Variants in NAT2 observed in about 807,000 individuals in gnomAD.
The protein encoded by NAT2 is arylamine N-acetyltransferase 2.
For missense variants in NAT2, 428 were observed against 339.1 expected, an observed-to-expected ratio of 1.26 and a Z score of -2.06; for synonymous variants, 137 against 125.9, an observed-to-expected ratio of 1.09 and a Z score of -0.59.
rs1222828589 is a variant in NAT2 at position 18,392,549 on chromosome 8, A to G, written c.-7+1204A>G. 2.0e-5 allele frequency among the ~76,000 whole-genome samples: 3 copies of G among 152,134 alleles called. No individual in the cohort carries two copies. In the East Asian group the frequency reaches 5.8e-4, roughly 29 times the overall value. On this transcript the variant is annotated intron_variant, in intron 1 of 1. Transcript: ENST00000286479. ...TCTGGCTGTGCTGGCAGCTGATTAG[A>G]TGGTGCCCACCCGGATTGAGGGTGG... is the stretch of plus-strand genomic sequence containing the variant.
In NAT2 at chr8:18,400,937, G is replaced by A. The variant is rs1003108972; in HGVS notation, c.*61G>A. The A allele has an allele frequency of 4.6e-6, 6 of 1,307,794 alleles. No individual in the cohort carries two copies. Among genetic ancestry groups the A allele is most frequent in the South Asian group, 1.5e-5 (1 of 64,900 alleles). The allele number at this position is 1,307,794 out of a possible 1,614,324, so 81.0% of individuals were successfully genotyped here. On this transcript the variant is annotated 3_prime_UTR_variant, in exon 2 of 2. Coordinates refer to ENST00000286479, the MANE Select transcript of NAT2 (RefSeq NM_000015.3). ...CCCAACTCACTAATTATCAACTTAT[G>A]TGCTATCAGATATCCTCTCTACCCT...
chr8:18,400,456 C>T lies in NAT2; in HGVS notation c.453C>T (p.Cys151=). Reference sequence around the variant, plus strand: ...AGCCTCAGGTGCCTTGCATTTTCTGCTTGACAGAAGAGAGAGGAATCTGGT... The same window carrying T: ...AGCCTCAGGTGCCTTGCATTTTCTGTTTGACAGAAGAGAGAGGAATCTGGT... The part of the protein sequence containing the change: ...KDQPQVPCIF[C]LTEERGIWYL... The change falls in exon 2 of 2, where the codon TGC becomes TGT. Residue 151 remains cysteine (C), a synonymous_variant. Transcript: ENST00000286479. 2 of 1,613,704 alleles carry T rather than the reference C, an allele frequency of 1.2e-6. No homozygotes were observed. The highest frequency in any genetic ancestry group is 1.7e-6 in the Non-Finnish European group (2 of 1,179,914).
At position 18,393,561 on chromosome 8, in the gene NAT2, A is replaced by T. The variant is rs1800629392; in HGVS notation, c.-7+2216A>T. Among the ~76,000 whole-genome samples, 3 of 152,350 alleles carry T rather than the reference A, an allele frequency of 2.0e-5. No individual in the cohort carries two copies. In the South Asian group the frequency reaches 6.2e-4, roughly 32 times the overall value. ...TTTCTCTGAGGCGTCTTCATATTGC[A>T]GTGGCAATGTCCCAGATTTCCCTGG... On this transcript the variant is annotated intron_variant, in intron 1 of 1. Transcript: ENST00000286479.
intron 1 of NAT2, among the ~76,000 whole-genome samples, chr8:18,398,318 C>T (rs1800726797): frequency 6.6e-6 from 1 of 152,166 alleles, no homozygotes; most frequent in Non-Finnish European, 1.5e-5. Flanking sequence ...TTATGACCTA[C>T]AATCCAACAA....
At chr8:18,392,000 A>G (rs1731561331) in intron 1 of NAT2, among the ~76,000 whole-genome samples, 1 of 152,224 alleles carries the variant, frequency 6.6e-6, no homozygotes, top group South Asian at 2.1e-4. Context: ...AAAATCTTTG[A>G]ATCCACCTTT....
At chr8:18,388,609 T>G (rs1249287514), upstream of NAT2, among the ~76,000 whole-genome samples, 3 of 152,184 alleles carry the variant, frequency 2.0e-5, no homozygotes, top group African/African-American at 7.2e-5. Flanking sequence ...ATATAAGTTT[T>G]GTTGTTAGCA....
upstream of NAT2, among the ~76,000 whole-genome samples, chr8:18,389,227 A>C (rs185543109): frequency 4.6e-5 from 7 of 152,338 alleles, no homozygotes; most frequent in African/African-American, 1.7e-4. Context: ...AAAAATGACC[A>C]TAATCCATTG....
chr8:18,388,707 C>A (rs146029434), upstream of NAT2, among the ~76,000 whole-genome samples: 1 of 152,238 alleles, frequency 6.6e-6, no homozygotes, highest in East Asian at 1.9e-4. Context: ...ATAACTAACT[C>A]TAATGCTTTT....
upstream of NAT2, chr8:18,391,264 G>A (rs889454526): frequency 3.9e-5 from 6 of 152,152 alleles, no homozygotes; most frequent in African/African-American, 1.4e-4. Context: ...TTCCCTTGCA[G>A]ACTTTGGAAG....
chr8:18,389,719 G>C (rs949986956), upstream of NAT2, among the ~76,000 whole-genome samples: 23 of 152,154 alleles, frequency 1.5e-4, no homozygotes, highest in Non-Finnish European at 2.6e-4. Flanking sequence ...ATCCCAGCGA[G>C]TTCTGCTAAT....
At chr8:18,399,917 A>G in intron 1 of NAT2, 81 bp from the exon 2 acceptor site, 1 of 1,416,904 alleles carries the variant, frequency 7.1e-7, no homozygotes. Context: ...TATTTAAAAT[A>G]CGTTATACCT....
chr8:18,397,692 C>T (rs1254693080), intron 1 of NAT2, among the ~76,000 whole-genome samples: 1 of 152,060 alleles, frequency 6.6e-6, no homozygotes, highest in Admixed American at 6.5e-5. Context: ...TATTGATTTG[C>T]TCTTCATTAA....
Position 18,400,254 on chromosome 8 carries a change from T to A in NAT2, c.251T>A (p.Phe84Tyr), listed in dbSNP as rs773321494. The A allele has an allele frequency of 1.9e-6, 3 of 1,612,734 alleles. No individual in the cohort carries two copies. Among genetic ancestry groups the A allele is most frequent in the Non-Finnish European group, 2.5e-6 (3 of 1,179,202 alleles). The change falls in exon 2 of 2, where the codon TTT becomes TAT. Residue 84 changes from phenylalanine to tyrosine, a missense_variant. Phe to Tyr is a conservative substitution (Grantham distance 22, BLOSUM62 3). Transcript: ENST00000286479. ...LLYWALTTIG[F>Y]QTTMLGGYFY... The stretch of plus-strand genomic sequence containing the variant: ...TACTGGGCTCTGACCACAATCGGTT[T>A]TCAGACCACAATGTTAGGAGGGTAT...
upstream of NAT2, among the ~76,000 whole-genome samples, chr8:18,388,980 TCA>T (rs984108941): frequency 5.3e-5 from 8 of 152,178 alleles, no homozygotes; most frequent in African/African-American, 1.9e-4. Context: ...CTCTGACATC[TCA>T]CACTCCCAGC....
chr8:18,399,633 G>C (rs1248309248), intron 1 of NAT2, among the ~76,000 whole-genome samples: 2 of 152,102 alleles, frequency 1.3e-5, no homozygotes, highest in Non-Finnish European at 2.9e-5. Context: ...GCTTATATCA[G>C]AAACTGTTTA....
chr8:18,394,056 G>C (rs1243992170), intron 1 of NAT2, among the ~76,000 whole-genome samples: 1 of 152,162 alleles, frequency 6.6e-6, no homozygotes, highest in Non-Finnish European at 1.5e-5. Flanking sequence ...AGTGAAGGGA[G>C]ATAAGGGTGG....
Position 18,400,227 on chromosome 8 carries a change from T to G in NAT2, c.224T>G (p.Leu75Arg). 6.2e-7 allele frequency: 1 copy of G among 1,612,028 alleles called. No individual in the cohort carries two copies. The highest frequency in any genetic ancestry group is 8.5e-7 in the Non-Finnish European group (1 of 1,178,776). ...TGGTGTCTCCAGGTCAATCAACTTC[T>G]GTACTGGGCTCTGACCACAATCGGT... ...GGWCLQVNQL[L>R]YWALTTIGFQ... is the part of the protein sequence containing the mutation. The change falls in exon 2 of 2, where the codon CTG becomes CGG. Residue 75 changes from leucine (L) to arginine (R), a missense_variant. Transcript: ENST00000286479.
chr8:18,395,800 A>G (rs1690461349), intron 1 of NAT2, among the ~76,000 whole-genome samples: 1 of 152,222 alleles, frequency 6.6e-6, no homozygotes, highest in Admixed American at 6.5e-5. Context: ...GTCATTGTAA[A>G]TAAGTCATTC....
chr8:18,391,950 C>T (rs903686575), intron 1 of NAT2, among the ~76,000 whole-genome samples: 16 of 152,212 alleles, frequency 1.1e-4, no homozygotes, highest in Non-Finnish European at 7.4e-5. Flanking sequence ...GACCGCAAGT[C>T]TTTAGACAAA....
Sources: gnomAD v4.1 joint callset for allele counts (sites outside exome capture counted in the v4.1 genomes callset) on GRCh38, gnomAD v4.1.1 for gene constraint, MANE v1.5 for transcripts, NCBI Gene and HGNC (gene_info 2026-07-23, HGNC 2026-07-21) for gene names.